Variants in ZNF821 observed in about 807,000 individuals in gnomAD.
The protein encoded by ZNF821 is zinc finger protein 821.
In ZNF821, 16 loss-of-function variants were observed where a neutral mutation model predicts 44.3. The ratio of observed to expected loss-of-function variants is 0.36; its 90% CI spans 0.24 to 0.55. The LOEUF (loss-of-function observed/expected upper bound fraction) is 0.55, where lower values mean the gene tolerates loss of function less well. Ranked by LOEUF, ZNF821 falls within the 20% of genes least tolerant of loss-of-function variation. The probability of loss-of-function intolerance (pLI) is 0.86; values close to 1 mark genes in which losing one functional copy is unlikely to be tolerated. For synonymous variants in ZNF821, 204 were observed against 197.6 expected, an observed-to-expected ratio of 1.03 and a Z score of -0.27; for missense variants, 436 against 547.6, an observed-to-expected ratio of 0.80 and a Z score of 2.03.
In ZNF821 at chr16:71,860,377, C is replaced by A; in HGVS notation, c.880G>T (p.Glu294Ter). 1 of 1,611,972 alleles carries A rather than the reference C, an allele frequency of 6.2e-7. No individual in the cohort carries two copies. The part of the protein sequence containing the change: ...RRDNETPEER[E>*]VRRMRDREAK... ...TCACGGTCCCTCATGCGCCTCACCT[C>A]CCGCTCCTCGGGGGTCTCATTGTCC... Residue 294 changes from glutamate to a stop codon, truncating the protein, a stop_gained, in exon 8 of 8, where the codon GAG (glutamate) becomes TAG (stop). Transcript: ENST00000425432. LOFTEE classifies it high-confidence loss of function. This position sits in a 1 kb window ranked among gnomAD's most constrained non-coding sequence, Gnocchi z 7.3.
intron 6 of ZNF821, 32 bp from the exon 7 acceptor site, chr16:71,861,974 G>A (rs369509090): frequency 3.1e-6 from 5 of 1,610,468 alleles, no homozygotes; most frequent in Non-Finnish European, 4.2e-6. Flanking sequence ...TGTCAGTCTT[G>A]CGCTACCTCC....
At chr16:71,864,073 G>C in intron 6 of ZNF821, 65 bp downstream of exon 6, 1 of 1,432,364 alleles carries the variant, frequency 7.0e-7, no homozygotes, top group Non-Finnish European at 9.8e-7. Context: ...GGCCAAACCA[G>C]GATCTGGGCT....
chr16:71,874,364 C>G (rs953547166), intron 3 of ZNF821, among the ~76,000 whole-genome samples: 2 of 152,184 alleles, frequency 1.3e-5, no homozygotes, highest in African/African-American at 2.4e-5. Context: ...CGTTACTCTG[C>G]TCAAGTGTCA....
At chr16:71,879,512 T>C (rs2036202301) in intron 3 of ZNF821, among the ~76,000 whole-genome samples, 1 of 152,140 alleles carries the variant, frequency 6.6e-6, no homozygotes. Context: ...AATTAGCATA[T>C]ACTATCATTC....
chr16:71,864,056 A>G, intron 6 of ZNF821, 82 bp downstream of exon 6: 1 of 1,247,262 alleles, frequency 8.0e-7, no homozygotes, highest in Non-Finnish European at 1.2e-6. Flanking sequence ...AGCCAGAGAG[A>G]GACAAAGGCC....
At chr16:71,868,853 G>A (rs967564641) in intron 3 of ZNF821, among the ~76,000 whole-genome samples, 3 of 151,846 alleles carry the variant, frequency 2.0e-5, no homozygotes, top group African/African-American at 4.8e-5. Flanking sequence ...TAGTAGAGAC[G>A]GGGTTTCACC....
At chr16:71,878,077 T>C (rs1454653804) in intron 3 of ZNF821, among the ~76,000 whole-genome samples, 2 of 149,480 alleles carry the variant, frequency 1.3e-5, no homozygotes, top group Admixed American at 1.3e-4. Context: ...TGCTGCACTT[T>C]ACTCAAACAG....
At chr16:71,867,511 A>G (rs1286872437) in intron 4 of ZNF821, among the ~76,000 whole-genome samples, 1 of 151,968 alleles carries the variant, frequency 6.6e-6, no homozygotes, top group African/African-American at 2.4e-5. Flanking sequence ...ACATGGAGAA[A>G]CCCCGTCTCT....
chr16:71,867,463 G>A (rs1162703305), intron 4 of ZNF821, among the ~76,000 whole-genome samples: 1 of 152,130 alleles, frequency 6.6e-6, no homozygotes, highest in African/African-American at 2.4e-5. Context: ...GAGGTGAGTG[G>A]ATCGCCTGAG....
rs553687034 is a variant in ZNF821 at position 71,892,922 on chromosome 16, G to A, written n.448+1967C>T. ...TTTTTTATATTTTTAGTAGACACAG[G>A]GTTTCACCATGTTGGCCTGGTCGGT... On this transcript the variant is annotated intron_variant and non_coding_transcript_variant, in intron 1 of 2. Transcript: ENST00000561700. Among the ~76,000 whole-genome samples, 40 of 149,388 alleles carry A rather than the reference G, an allele frequency of 2.7e-4. No individual in the cohort carries two copies. The East Asian group carries it at 6.4e-3, about 24-fold the overall frequency.
chr16:71,892,769 T>C (rs1323319300), intron 1 of ZNF821, among the ~76,000 whole-genome samples: 4 of 148,716 alleles, frequency 2.7e-5, no homozygotes, highest in African/African-American at 1.0e-4. Context: ...TCTTGCTCTG[T>C]CACCCAGGCT....
chr16:71,871,639 G>C (rs1353621725), intron 3 of ZNF821, among the ~76,000 whole-genome samples: 3 of 151,924 alleles, frequency 2.0e-5, no homozygotes, highest in Non-Finnish European at 4.4e-5. Context: ...GAGACCTCTG[G>C]AGTAGGTTTA....
intron 6 of ZNF821, among the ~76,000 whole-genome samples, chr16:71,863,608 T>C (rs7198387): frequency 0.04 from 6,035 of 152,090 alleles, 401 homozygotes; most frequent in African/African-American, 0.14. Flanking sequence ...AGGCTGGTCT[T>C]GAACTCCTGA....
Position 71,864,122 on chromosome 16 carries a change from G to C in ZNF821, c.417+16C>G, listed in dbSNP as rs1406766322. The C allele has an allele frequency of 1.9e-6, 3 of 1,609,656 alleles. No individual in the cohort carries two copies. Among genetic ancestry groups the C allele is most frequent in the Non-Finnish European group, 2.5e-6 (3 of 1,176,490 alleles). On this transcript the variant is annotated intron_variant, in intron 6 of 7. Transcript: ENST00000425432. Reference sequence around the variant, plus strand: ...CCACACTTGTGTTCCAGAGCACACAGCTCCCCCATCCATACCTGGTACACG... The same window carrying C: ...CCACACTTGTGTTCCAGAGCACACACCTCCCCCATCCATACCTGGTACACG...
chr16:71,894,974 C>T, exon 1 of ZNF821: 3 of 750,012 alleles, frequency 4.0e-6, no homozygotes, highest in Non-Finnish European at 4.4e-6. Flanking sequence ...CGATGCTGGT[C>T]CAAAGGGCAA....
exon 1 of ZNF821, chr16:71,895,198 C>T (rs1036185526): frequency 5.1e-6 from 1 of 196,172 alleles, no homozygotes; most frequent in South Asian, 7.4e-5. Context: ...AATCCGGAAC[C>T]AAGGCACTGG....
At chr16:71,887,159 T>G (rs1410251121), upstream of ZNF821, among the ~76,000 whole-genome samples, 1 of 152,200 alleles carries the variant, frequency 6.6e-6, no homozygotes, top group Non-Finnish European at 1.5e-5. Flanking sequence ...TTGTGTACAG[T>G]TTTTGTGTAA....
At chr16:71,869,460 T>C (rs2034937921) in intron 3 of ZNF821, among the ~76,000 whole-genome samples, 1 of 152,178 alleles carries the variant, frequency 6.6e-6, no homozygotes. Flanking sequence ...TACCAAACAC[T>C]AATAATAGTT....
At chr16:71,877,932 T>C (rs1486987935) in intron 3 of ZNF821, among the ~76,000 whole-genome samples, 2 of 147,246 alleles carry the variant, frequency 1.4e-5, no homozygotes, top group Admixed American at 1.4e-4. Flanking sequence ...AAAAAAATTA[T>C]ATATATTATA....
Sources: allele counts gnomAD v4.1 joint callset (sites outside exome capture counted in the v4.1 genomes callset), GRCh38; gene constraint gnomAD v4.1.1; non-coding constraint Gnocchi (gnomAD v3.1); transcripts MANE v1.5; gene names NCBI Gene and HGNC (gene_info 2026-07-23, HGNC 2026-07-21).